Variants in TGFBR3 observed in about 807,000 individuals in gnomAD.
TGFBR3 encodes the protein transforming growth factor beta receptor type 3.
Under a neutral mutation model 87.9 loss-of-function variants are expected in TGFBR3, and 46 were observed. The observed-to-expected ratio is 0.52, with a 90% CI of 0.41 to 0.67. TGFBR3 has a LOEUF of 0.67. Ranked by LOEUF, TGFBR3 falls within the 30% of genes least tolerant of loss-of-function variation. The pLI is 0.00. For missense variants in TGFBR3, 866 were observed against 1,041.9 expected (o/e 0.83, Z 2.32); for synonymous variants, 381 against 391.6 (o/e 0.97, Z 0.32).
chr1:91,883,666 T>C (rs1679185035), intron 1 of TGFBR3, among the ~76,000 whole-genome samples: 1 of 152,114 alleles, frequency 6.6e-6, no homozygotes, highest in Non-Finnish European at 1.5e-5. Flanking sequence ...TGGTGATTTT[T>C]ATATTTAAAA....
chr1:91,759,158 C>T (rs1234937357), intron 3 of TGFBR3, among the ~76,000 whole-genome samples: 3 of 152,092 alleles, frequency 2.0e-5, no homozygotes, highest in Admixed American at 1.3e-4. Flanking sequence ...GGGGTCATCC[C>T]TCTGGATCTC....
chr1:91,893,137 C>T (rs566093511), intron 2 of TGFBR3, among the ~76,000 whole-genome samples: 11 of 151,940 alleles, frequency 7.2e-5, no homozygotes, highest in Non-Finnish European at 1.5e-4. Flanking sequence ...TGTGGAAGGC[C>T]GTGTTGTAAG....
At position 91,766,643 on chromosome 1, in the gene TGFBR3, C is replaced by G. The variant is rs1674198922; in HGVS notation, c.247-7893G>C. Among the ~76,000 whole-genome samples the G allele has an allele frequency of 1.5e-5, 2 of 133,118 alleles. 1 individual carries two copies. The highest frequency in any genetic ancestry group is 5.7e-4 in the South Asian group (2 of 3,506). 87.3% of individuals were successfully genotyped at this position (133,118 alleles called of 152,430 possible). A position where few individuals can be genotyped will look rare whatever the true frequency, so the allele number is the denominator to read the frequency against. On this transcript the variant is annotated intron_variant, in intron 3 of 16. Transcript: ENST00000212355. Reference sequence around the variant, plus strand: ...TCACTGGGTTAACAAGAATTCCGGACAGAAAATATAATTAAGCATTAACAT... The same window carrying G: ...TCACTGGGTTAACAAGAATTCCGGAGAGAAAATATAATTAAGCATTAACAT...
chr1:91,800,144 C>T (rs1280524638), intron 2 of TGFBR3, among the ~76,000 whole-genome samples: 1 of 150,702 alleles, frequency 6.6e-6, no homozygotes, highest in African/African-American at 2.4e-5. Context: ...GTAACACCAA[C>T]ACTTTGGAAG....
At chr1:91,886,249 C>T, upstream of TGFBR3, 1 of 441,302 alleles carries the variant, frequency 2.3e-6, no homozygotes, top group South Asian at 1.6e-5. Context: ...GGGGGAAGGG[C>T]GCTCCTCCGC....
At chr1:91,839,389 T>C (rs1677184281) in intron 2 of TGFBR3, among the ~76,000 whole-genome samples, 1 of 152,200 alleles carries the variant, frequency 6.6e-6, no homozygotes, top group Non-Finnish European at 1.5e-5. Flanking sequence ...CTGAATTACA[T>C]AATAAATTTT....
In TGFBR3 at chr1:91,748,022, C is replaced by T. The variant is rs1456264870; in HGVS notation, c.384+10591G>A. The stretch of plus-strand genomic sequence containing the variant: ...TGATAGCTCCTGGGAATGGCTGGTG[C>T]AAGCCCTAGGAGAAACAGAGCTGCA... On this transcript the variant is annotated intron_variant, in intron 4 of 16. Transcript: ENST00000212355. 2.0e-5 allele frequency among the ~76,000 whole-genome samples: 3 copies of T among 152,212 alleles called. No homozygotes were observed. The East Asian group carries it at 5.8e-4, about 29-fold the overall frequency.
At chr1:91,802,392 G>A (rs545232910) in intron 2 of TGFBR3, among the ~76,000 whole-genome samples, 2 of 148,464 alleles carry the variant, frequency 1.3e-5, no homozygotes, top group Middle Eastern at 3.5e-3. Flanking sequence ...AGACAGTCTC[G>A]CTCTGTCGTC....
At chr1:91,702,960 A>G (rs911371444) in intron 14 of TGFBR3, among the ~76,000 whole-genome samples, 5 of 152,024 alleles carry the variant, frequency 3.3e-5, no homozygotes, top group Admixed American at 6.6e-5. Context: ...CAGGAGAATC[A>G]CTTGAACCCA....
chr1:91,833,348 C>T (rs936439950), intron 2 of TGFBR3, among the ~76,000 whole-genome samples: 1 of 140,236 alleles, frequency 7.1e-6, no homozygotes, highest in Non-Finnish European at 1.5e-5. Context: ...GTAATACCAG[C>T]TACTAGGGAG....
chr1:91,814,246 C>G (rs1344813016), intron 2 of TGFBR3, among the ~76,000 whole-genome samples: 1 of 152,160 alleles, frequency 6.6e-6, no homozygotes, highest in Non-Finnish European at 1.5e-5. Flanking sequence ...TATACACACA[C>G]ACACATACAT....
intron 1 of TGFBR3, among the ~76,000 whole-genome samples, chr1:91,881,870 T>A (rs1464526408): frequency 4.0e-5 from 6 of 151,822 alleles, no homozygotes; most frequent in African/African-American, 1.5e-4. Context: ...AAGCCCCGTC[T>A]CTACGAAAAA....
intron 1 of TGFBR3, chr1:91,864,041 C>G (rs778463510): frequency 2.6e-5 from 4 of 152,156 alleles, no homozygotes; most frequent in Non-Finnish European, 5.9e-5. Flanking sequence ...AAGGAAAAAC[C>G]TCTCTGAAAC....
chr1:91,702,977 G>A (rs918072819), intron 14 of TGFBR3, among the ~76,000 whole-genome samples: 5 of 151,968 alleles, frequency 3.3e-5, no homozygotes, highest in East Asian at 1.9e-4. Flanking sequence ...CCCAGGAGGC[G>A]GAGGTTGCAG....
intron 3 of TGFBR3, among the ~76,000 whole-genome samples, chr1:91,795,071 G>C (rs910785163): frequency 2.6e-4 from 39 of 152,160 alleles, no homozygotes; most frequent in African/African-American, 8.9e-4. Flanking sequence ...CCCTCATTCT[G>C]ATGTTATCCT....
intron 14 of TGFBR3, among the ~76,000 whole-genome samples, chr1:91,707,637 C>T (rs1671838632): frequency 6.6e-6 from 1 of 152,234 alleles, no homozygotes; most frequent in African/African-American, 2.4e-5. Context: ...GCCCAGGCTC[C>T]TCTGTGCCCC....
chr1:91,695,679 A>T lies in TGFBR3; in HGVS notation c.2430T>A (p.Ser810=). 1 of 1,613,944 alleles carries T rather than the reference A, an allele frequency of 6.2e-7. No individual in the cohort carries two copies. Among genetic ancestry groups the T allele is most frequent in the Non-Finnish European group, 8.5e-7 (1 of 1,179,798 alleles). ...LLTGALWYIY[S]HTGETAGRQQ... ...CTCAACAGTCACACTAACCTGTGTG[A>T]GAATAGATGTACCACAAGGCCCCCG... is the stretch of plus-strand genomic sequence containing the variant. Residue 810 remains serine (S), a synonymous_variant, in exon 16 of 17, where the codon TCT becomes TCA. Coordinates refer to ENST00000212355, the MANE Select transcript of TGFBR3 (RefSeq NM_003243.5).
rs188828082 is a variant in TGFBR3 at position 91,726,388 on chromosome 1, C to T, written c.885+1271G>A. The stretch of plus-strand genomic sequence containing the variant: ...AGCAAAAGCAGCAGACAGCCTAGGT[C>T]ACCAACACCCCTCATGCCATGCCAG... On this transcript the variant is annotated intron_variant, in intron 7 of 16. Transcript: ENST00000212355. Among the ~76,000 whole-genome samples the T allele has an allele frequency of 2.0e-5, 3 of 152,228 alleles. No individual in the cohort carries two copies. The East Asian group carries it at 5.8e-4, about 29-fold the overall frequency.
intron 16 of TGFBR3, among the ~76,000 whole-genome samples, chr1:91,694,660 G>A (rs1407093255): frequency 6.6e-6 from 1 of 152,136 alleles, no homozygotes; most frequent in African/African-American, 2.4e-5. Context: ...TTTCAGCTTG[G>A]CCCAAGGGGA....
Sources: allele counts gnomAD v4.1 joint callset (sites outside exome capture counted in the v4.1 genomes callset), GRCh38; gene constraint gnomAD v4.1.1; transcripts MANE v1.5; gene names NCBI Gene and HGNC (gene_info 2026-07-23, HGNC 2026-07-21).